The following SLCO3A1 variants were observed in gnomAD, a reference collection of about 807,000 sequenced individuals.
SLCO3A1 encodes PGE1 transporter.
Under a neutral mutation model 63.1 loss-of-function variants are expected in SLCO3A1, and 27 were observed. That is an observed-to-expected ratio of 0.43 (90% confidence interval 0.32 to 0.59). The LOEUF is 0.59. Ranked by LOEUF, SLCO3A1 falls within the 20% of genes least tolerant of loss-of-function variation. SLCO3A1 has a pLI of 0.09. For synonymous variants in SLCO3A1, 473 were observed against 409.9 expected, an observed-to-expected ratio of 1.15 and a Z score of -1.86; for missense variants, 773 against 945.8, an observed-to-expected ratio of 0.82 and a Z score of 2.40.
At chr15:92,138,472 C>T (rs1362912327) in intron 7 of SLCO3A1, among the ~76,000 whole-genome samples, 1 of 119,204 alleles carries the variant, frequency 8.4e-6, no homozygotes, top group Non-Finnish European at 1.6e-5. Flanking sequence ...TTTTTTGGTT[C>T]CATCTGAACT....
intron 1 of SLCO3A1, among the ~76,000 whole-genome samples, chr15:91,905,102 G>A (rs1232053749): frequency 2.6e-5 from 4 of 152,122 alleles, no homozygotes; most frequent in African/African-American, 4.8e-5. Context: ...TGCAGGCTTG[G>A]GTCTGAGATT....
At chr15:92,171,750 C>A in intron 10 of SLCO3A1, 2 of 1,476,076 alleles carry the variant, frequency 1.4e-6, no homozygotes, top group Middle Eastern at 1.7e-4. Flanking sequence ...TCTTTTTCCT[C>A]TTGGCTCTTC....
intron 2 of SLCO3A1, among the ~76,000 whole-genome samples, chr15:91,997,131 A>G (rs555024038): frequency 6.6e-6 from 1 of 152,222 alleles, no homozygotes; most frequent in Non-Finnish European, 1.5e-5. Context: ...GTCCCTGGAA[A>G]TGATAAATGA....
rs368422154 is a variant in SLCO3A1, at chr15:91,855,665, C to G, written c.180+1577C>G. Reference sequence around the variant, plus strand: ...AATTGTGTTTTGGGAGTCAGTTTATCGGCACTTCCTTAGGGGAAATTTAAC... The same window carrying G: ...AATTGTGTTTTGGGAGTCAGTTTATGGGCACTTCCTTAGGGGAAATTTAAC... On this transcript the variant is annotated intron_variant, in intron 1 of 9. Coordinates refer to ENST00000318445, the MANE Select transcript of SLCO3A1 (RefSeq NM_013272.4). Among the ~76,000 whole-genome samples the G allele has an allele frequency of 9.9e-5, 15 of 152,154 alleles. No individual in the cohort carries two copies. In the South Asian group the frequency reaches 1.5e-3, roughly 15 times the overall value.
At position 91,931,279 on chromosome 15, in the gene SLCO3A1, C is replaced by T. The variant is rs189185085; in HGVS notation, c.646+14821C>T. 5.9e-5 allele frequency among the ~76,000 whole-genome samples: 9 copies of T among 152,224 alleles called. 1 individual carries two copies. The highest frequency in any genetic ancestry group is 2.6e-4 in the Admixed American group (4 of 15,276). On this transcript the variant is annotated intron_variant, in intron 2 of 9. Transcript: ENST00000318445. ...CAGGCAAAGAAATAACATGACAAAG[C>T]CTCTCTCACAGCCTCAGAAAGGAAG...
intron 2 of SLCO3A1, among the ~76,000 whole-genome samples, chr15:92,044,097 G>A (rs535966654): frequency 7.9e-5 from 12 of 152,178 alleles, no homozygotes; most frequent in Admixed American, 3.9e-4. Flanking sequence ...ACCATTATAC[G>A]AATTCTTAGG....
At position 92,093,917 on chromosome 15, in the gene SLCO3A1, G is replaced by C. The variant is rs116078320; in HGVS notation, c.647-964G>C. On this transcript the variant is annotated intron_variant, in intron 2 of 9. Transcript: ENST00000318445. ...CTCCAGGTGCCCGTGTGGCCTGTTA[G>C]CACCCAACCTTGGAGCTGCCTGGCC... Among the ~76,000 whole-genome samples the C allele has an allele frequency of 2.2e-3, 341 of 152,256 alleles. 1 individual carries two copies. Among genetic ancestry groups the C allele is most frequent in the African/African-American group, 8.1e-3 (335 of 41,556 alleles).
downstream of SLCO3A1, among the ~76,000 whole-genome samples, chr15:92,166,758 A>C (rs1216296852): frequency 2.6e-5 from 4 of 152,216 alleles, no homozygotes; most frequent in African/African-American, 9.6e-5. Context: ...GGAACATTTA[A>C]AATGGAGATA....
Position 92,104,370 on chromosome 15 carries a change from C to G in SLCO3A1, c.837C>G (p.Ser279=), listed in dbSNP as rs751340900. 242 of 1,614,068 alleles carry G rather than the reference C, an allele frequency of 1.5e-4. No individual in the cohort carries two copies. Among genetic ancestry groups the G allele is most frequent in the Non-Finnish European group, 2.0e-4 (237 of 1,180,042 alleles). The change falls in exon 4 of 10, where the codon TCC becomes TCG. Residue 279 remains serine, a synonymous_variant. Transcript: ENST00000318445. ...GCGGTGCCTTACTCTTCTTCTCTTC[C>G]CTCTTGATGTTTGGGTTTCCACAGT... ...LLCGALLFFS[S]LLMFGFPQSL... is the part of the protein sequence containing the mutation.
intron 2 of SLCO3A1, among the ~76,000 whole-genome samples, chr15:92,065,467 A>G (rs2151510194): frequency 6.6e-6 from 1 of 152,334 alleles, no homozygotes; most frequent in Non-Finnish European, 1.5e-5. Context: ...TACAACTATT[A>G]GGTATTCATA....
At chr15:92,121,156 A>G (rs1055130779) in intron 5 of SLCO3A1, among the ~76,000 whole-genome samples, 3 of 152,210 alleles carry the variant, frequency 2.0e-5, no homozygotes, top group African/African-American at 7.2e-5. Flanking sequence ...TCTACTCCCA[A>G]TTGTTCAGAG....
At chr15:92,171,561 C>G (rs948781302) in intron 10 of SLCO3A1, 5 of 517,780 alleles carry the variant, frequency 9.7e-6, no homozygotes, top group Middle Eastern at 4.6e-4. Flanking sequence ...ATATCCTTCC[C>G]AGAAAGGATA....
intron 2 of SLCO3A1, among the ~76,000 whole-genome samples, chr15:92,048,156 ACC>A (rs1230249277): frequency 6.6e-6 from 1 of 151,632 alleles, no homozygotes; most frequent in Non-Finnish European, 1.5e-5. Flanking sequence ...ACTGCCTCAG[ACC>A]TCCCCAGAAC....
At chr15:92,159,283 G>A (rs751673485) in intron 9 of SLCO3A1, among the ~76,000 whole-genome samples, 20 of 152,052 alleles carry the variant, frequency 1.3e-4, no homozygotes, top group Non-Finnish European at 2.1e-4. Flanking sequence ...TCAAGAGATC[G>A]AGACCATCCT....
At chr15:91,878,464 C>T (rs987922901) in intron 1 of SLCO3A1, among the ~76,000 whole-genome samples, 5 of 152,124 alleles carry the variant, frequency 3.3e-5, no homozygotes, top group Non-Finnish European at 7.4e-5. Context: ...AAGAAATTAG[C>T]TCATGGACTG....
At chr15:91,905,339 A>G (rs1199384101) in intron 1 of SLCO3A1, among the ~76,000 whole-genome samples, 2 of 152,218 alleles carry the variant, frequency 1.3e-5, no homozygotes, top group Non-Finnish European at 2.9e-5. Context: ...CCCTCTGCAG[A>G]TACCAAAATC....
In SLCO3A1 at chr15:91,856,526, C is replaced by T. The variant is rs562175279; in HGVS notation, c.180+2438C>T. Among the ~76,000 whole-genome samples, 31 of 152,124 alleles carry T rather than the reference C, an allele frequency of 2.0e-4. No homozygotes were observed. The highest frequency in any genetic ancestry group is 3.1e-4 in the Non-Finnish European group (21 of 68,034). The stretch of plus-strand genomic sequence containing the variant: ...AAAAAAGTTTGCTCCTTCAGCCATG[C>T]GAGACTTCTCTGTGGATAATTGGAG... On this transcript the variant is annotated intron_variant, in intron 1 of 9. Coordinates refer to ENST00000318445, the MANE Select transcript of SLCO3A1 (RefSeq NM_013272.4). This position sits in a 1 kb window ranked among gnomAD's most constrained non-coding sequence, Gnocchi z 4.9.
intron 2 of SLCO3A1, among the ~76,000 whole-genome samples, chr15:91,991,766 C>T (rs774086505): frequency 6.6e-6 from 1 of 152,192 alleles, no homozygotes; most frequent in Non-Finnish European, 1.5e-5. Flanking sequence ...TTAGACTAGC[C>T]GCATATGACT....
At chr15:91,935,961 G>A (rs1220681204) in intron 2 of SLCO3A1, among the ~76,000 whole-genome samples, 1 of 152,202 alleles carries the variant, frequency 6.6e-6, no homozygotes, top group Non-Finnish European at 1.5e-5. Flanking sequence ...CATGGAGAGA[G>A]CACTGCTTAA....
Sources: gnomAD v4.1 joint callset for allele counts (sites outside exome capture counted in the v4.1 genomes callset) on GRCh38, gnomAD v4.1.1 for gene constraint, Gnocchi (gnomAD v3.1) non-coding constraint, MANE v1.5 for transcripts, NCBI Gene and HGNC (gene_info 2026-07-23, HGNC 2026-07-21) for gene names.